The following CHERP variants were observed in gnomAD, a reference collection of about 807,000 sequenced individuals.
The protein encoded by CHERP is ERPROT 213-21.
In CHERP, 8 loss-of-function variants were observed where a neutral mutation model predicts 113.8. The observed-to-expected ratio is 0.07, with a 90% CI of 0.04 to 0.13. The LOEUF (loss-of-function observed/expected upper bound fraction) is 0.13, where lower values mean the gene tolerates loss of function less well. CHERP is among the 10% of genes least tolerant of loss of function. The pLI is 1.00. For missense variants in CHERP, 884 were observed against 1,298.2 expected, an observed-to-expected ratio of 0.68 and a Z score of 4.90; for synonymous variants, 559 against 524.5, an observed-to-expected ratio of 1.07 and a Z score of -0.90.
intron 2 of CHERP, chr19:16,539,556 C>T (rs1599756221): frequency 6.6e-6 from 1 of 152,294 alleles, no homozygotes; most frequent in East Asian, 1.9e-4. Context: ...TCTCTCTCCA[C>T]CCCACCCCCG....
chr19:16,533,210 C>A, intron 3 of CHERP, 62 bp from the exon 4 acceptor site: 1 of 1,520,478 alleles, frequency 6.6e-7, no homozygotes, highest in Non-Finnish European at 8.9e-7. Context: ...CTGAGCCCTC[C>A]GGCCTGGCTC....
In CHERP at chr19:16,542,418, C is replaced by A. The variant is rs751241744; in HGVS notation, c.-40G>T. ...GGAACGTCCTCCGGCGCCACACGAT[C>A]GACCACCAGCGCCGTCTGCGGAAGC... On this transcript the variant is annotated 5_prime_UTR_variant, in exon 1 of 17. Coordinates refer to ENST00000546361, the MANE Select transcript of CHERP (RefSeq NM_006387.6). 4 of 1,331,752 alleles carry A rather than the reference C, an allele frequency of 3.0e-6. No individual in the cohort carries two copies. The highest frequency in any genetic ancestry group is 3.9e-6 in the Non-Finnish European group (4 of 1,033,574). The allele number at this position is 1,331,752 out of a possible 1,614,324, so 82.5% of individuals were successfully genotyped here.
rs1454520328 is a variant in CHERP at position 16,535,476 on chromosome 19, C to T, written c.360G>A (p.Glu120=). Residue 120 remains glutamate (E), a synonymous_variant, in exon 3 of 17, where the codon GAG becomes GAA. Transcript: ENST00000546361. This position sits in a 1 kb window ranked among gnomAD's most constrained non-coding sequence, Gnocchi z 4.3. The part of the protein sequence containing the change: ...QQSQWNLQQQ[E]QHLLALRQEQ... Reference sequence around the variant, plus strand: ...CCTGTCTGAGCGCCAGCAAGTGCTGCTCCTGCTGCTGGAGGTTCCACTGGC... The same window carrying T: ...CCTGTCTGAGCGCCAGCAAGTGCTGTTCCTGCTGCTGGAGGTTCCACTGGC... 6.2e-7 allele frequency: 1 copy of T among 1,609,598 alleles called. No homozygotes were observed. Among genetic ancestry groups the T allele is most frequent in the East Asian group, 2.2e-5 (1 of 44,724 alleles).
intron 5 of CHERP, among the ~76,000 whole-genome samples, chr19:16,531,477 C>T (rs749507424): frequency 4.6e-5 from 7 of 152,104 alleles, no homozygotes; most frequent in South Asian, 4.1e-4. Flanking sequence ...AGGCCCCTGC[C>T]GCTGCGCAGG....
At position 16,533,164 on chromosome 19, in the gene CHERP, G is replaced by A. The variant is rs547521712; in HGVS notation, c.385-16C>T. The A allele has an allele frequency of 5.4e-4, 850 of 1,572,346 alleles. No homozygotes were observed. The highest frequency in any genetic ancestry group is 9.8e-4 in the Admixed American group (52 of 53,190). On this transcript the variant is annotated splice_polypyrimidine_tract_variant and intron_variant, in intron 3 of 16. Transcript: ENST00000546361. ...TCACTTGCTCCTGCGGGCGGGGGTC[G>A]GTGGGGTCGAGAACACATGAGGAGG...
rs932471447 is a variant in CHERP, at chr19:16,524,952, T to G, written c.1741+290A>C. 4.6e-5 allele frequency among the ~76,000 whole-genome samples: 7 copies of G among 151,836 alleles called. No homozygotes were observed. In the East Asian group the frequency reaches 1.4e-3, roughly 29 times the overall value. ...TGATGCAAAAAACAAGCAGCAGCAG[T>G]AAAAAGAACGAGGCCCCGCCCTGCC... On this transcript the variant is annotated intron_variant, in intron 10 of 16. Transcript: ENST00000546361.
Position 16,520,273 on chromosome 19 carries a change from G to C in CHERP, c.2346-8C>G, listed in dbSNP as rs1292278702. 6.2e-7 allele frequency: 1 copy of C among 1,613,230 alleles called. No individual in the cohort carries two copies. Among genetic ancestry groups the C allele is most frequent in the Non-Finnish European group, 8.5e-7 (1 of 1,179,890 alleles). On this transcript the variant is annotated splice_region_variant and splice_polypyrimidine_tract_variant and intron_variant, in intron 14 of 16. Transcript: ENST00000546361. This position sits in a 1 kb window ranked among gnomAD's most constrained non-coding sequence, Gnocchi z 4.0. ...CGCGACCTGCTCCGACTTCTGCAGG[G>C]AAGGGTGCCCAAGGGTCAGCAGCAG...
chr19:16,542,309 G>A (rs1057095960), intron 1 of CHERP, 45 bp downstream of exon 1: 36 of 1,399,846 alleles, frequency 2.6e-5, no homozygotes, highest in Non-Finnish European at 3.4e-5. Flanking sequence ...CCAATAGGAG[G>A]TTCCGGGGAG....
intron 8 of CHERP, 60 bp from the exon 9 acceptor site, chr19:16,528,315 C>A: frequency 1.4e-6 from 2 of 1,471,858 alleles, no homozygotes; most frequent in South Asian, 1.3e-5. Context: ...TGTCTCCTCT[C>A]CACACTACCC....
intron 1 of CHERP, 99 bp downstream of exon 1, chr19:16,542,254 GC>G: frequency 8.4e-7 from 1 of 1,196,562 alleles, no homozygotes. Context: ...GCGAGGCCGA[GC>G]CCCGCCCCCT....
At position 16,521,502 on chromosome 19, in the gene CHERP, A is replaced by C; in HGVS notation, c.2114+19T>G. 6.4e-7 allele frequency: 1 copy of C among 1,564,958 alleles called. No homozygotes were observed. The highest frequency in any genetic ancestry group is 1.8e-4 in the Middle Eastern group (1 of 5,606). ...GGGACAGAGGCCTCCCGCCCACCCCACTGACCTGGGCCCCTTACCTGTTCC... is the reference window on the plus strand; with the variant it reads ...GGGACAGAGGCCTCCCGCCCACCCCCCTGACCTGGGCCCCTTACCTGTTCC... On this transcript the variant is annotated intron_variant, in intron 12 of 16. Transcript: ENST00000546361.
Position 16,528,095 on chromosome 19 carries a change from A to G in CHERP, c.1290T>C (p.Pro430=). 1.2e-6 allele frequency: 2 copies of G among 1,613,348 alleles called. No individual in the cohort carries two copies. The highest frequency in any genetic ancestry group is 1.3e-5 in the African/African-American group (1 of 74,998). The part of the protein sequence containing the change: ...PWFDQPHPVA[P]WGQQQPPEQP... ...CAATCAATACCTGCTGCTGGCCCCA[A>G]GGAGCCACGGGGTGAGGCTGGTCAA... is the stretch of plus-strand genomic sequence containing the variant. Residue 430 remains proline (P), a synonymous_variant, in exon 9 of 17, where the codon CCT becomes CCC. Transcript: ENST00000546361.
Position 16,519,804 on chromosome 19 carries a change from G to C in CHERP, c.2463-89C>G. On this transcript the variant is annotated intron_variant, in intron 15 of 16. Transcript: ENST00000546361. The surrounding 1 kb of genome is among the most constrained non-coding windows in gnomAD (Gnocchi z 6.0). ...TGAGGACCTCACAGCCGCAGCTTGCGTGCATGCTCACTGTCACCAGGTGAC... is the reference window on the plus strand; with the variant it reads ...TGAGGACCTCACAGCCGCAGCTTGCCTGCATGCTCACTGTCACCAGGTGAC... 1 of 1,120,280 alleles carries C rather than the reference G, an allele frequency of 8.9e-7. No individual in the cohort carries two copies. Among genetic ancestry groups the C allele is most frequent in the Non-Finnish European group, 1.4e-6 (1 of 732,250 alleles). 69.4% of individuals were successfully genotyped at this position (1,120,280 alleles called of 1,614,324 possible).
In CHERP at chr19:16,519,059, G is replaced by T; in HGVS notation, c.*100C>A. ...GTGGCTCTCCACAAGTGGAGACGGTGTAAGAACTGAGCTGTCACTGCAATC... is the reference window on the plus strand; with the variant it reads ...GTGGCTCTCCACAAGTGGAGACGGTTTAAGAACTGAGCTGTCACTGCAATC... On this transcript the variant is annotated 3_prime_UTR_variant, in exon 17 of 17. Coordinates refer to ENST00000546361, the MANE Select transcript of CHERP (RefSeq NM_006387.6). This position sits in a 1 kb window ranked among gnomAD's most constrained non-coding sequence, Gnocchi z 6.0. The T allele has an allele frequency of 1.8e-6, 2 of 1,090,836 alleles. No individual in the cohort carries two copies. Among genetic ancestry groups the T allele is most frequent in the Non-Finnish European group, 2.7e-6 (2 of 752,538 alleles). 67.6% of individuals were successfully genotyped at this position (1,090,836 alleles called of 1,614,324 possible).
intron 8 of CHERP, among the ~76,000 whole-genome samples, chr19:16,528,670 T>G (rs2085673313): frequency 6.6e-6 from 1 of 152,236 alleles, no homozygotes; most frequent in Admixed American, 6.5e-5. Flanking sequence ...AATCCTTTGC[T>G]AGGCCGGGTG....
Position 16,528,240 on chromosome 19 carries a change from G to C in CHERP, c.1145C>G (p.Pro382Arg). ...PTTQPDDSKP[P>R]IQMPGSSEYE... ...CTCTGAAGAGCCAGGCATCTGGATG[G>C]GAGGCTTGCTGTCATCTAAATCCAA... Residue 382 changes from proline to arginine, a missense_variant, in exon 9 of 17, where the codon CCC becomes CGC. By Grantham distance (103) the Pro-to-Arg change is moderately radical (BLOSUM62 -2). Transcript: ENST00000546361. 1 of 1,586,724 alleles carries C rather than the reference G, an allele frequency of 6.3e-7. No homozygotes were observed. Among genetic ancestry groups the C allele is most frequent in the South Asian group, 1.1e-5 (1 of 87,304 alleles).
At chr19:16,529,933 T>TGC in intron 7 of CHERP, 33 bp from the exon 8 acceptor site, 1 of 1,598,208 alleles carries the variant, frequency 6.3e-7, no homozygotes, top group Non-Finnish European at 8.5e-7. Context: ...CTGCTCAGTA[T>TGC]GCGGCCTTGG....
intron 3 of CHERP, 84 bp from the exon 4 acceptor site, chr19:16,533,232 G>T (rs549522130): frequency 7.2e-7 from 1 of 1,389,750 alleles, no homozygotes; most frequent in Non-Finnish European, 9.8e-7. Context: ...GCAGGGGCGG[G>T]GTGGGGACAT....
intron 3 of CHERP, 119 bp from the exon 4 acceptor site, chr19:16,533,267 T>A (rs1174622993): frequency 2.2e-5 from 21 of 947,438 alleles, no homozygotes; most frequent in Non-Finnish European, 4.7e-6. Flanking sequence ...GACTCTGGGC[T>A]GCTCTGGCCA....
Sources: allele counts gnomAD v4.1 joint callset (sites outside exome capture counted in the v4.1 genomes callset), GRCh38; gene constraint gnomAD v4.1.1; non-coding constraint Gnocchi (gnomAD v3.1); transcripts MANE v1.5; gene names NCBI Gene and HGNC (gene_info 2026-07-23, HGNC 2026-07-21).